ADGRB1: variants seen among roughly 807,000 people sequenced by gnomAD.
ADGRB1 encodes adhesion G protein-coupled receptor B1.
ADGRB1 carries 36 observed loss-of-function variants against 175.7 expected under a neutral mutation model. The observed-to-expected ratio is 0.20, with a 90% CI of 0.16 to 0.27. The LOEUF is 0.27. Among genes scored for constraint, ADGRB1 ranks in the 10% least tolerant of loss-of-function variants. The pLI is 1.00. For synonymous variants in ADGRB1, 1,054 were observed against 979.4 expected (o/e 1.08, Z -1.42); for missense variants, 1,731 against 2,255.3 (o/e 0.77, Z 4.71).
At chr8:142,536,013 G>A (rs1458362598) in intron 25 of ADGRB1, among the ~76,000 whole-genome samples, 1 of 152,146 alleles carries the variant, frequency 6.6e-6, no homozygotes, top group Non-Finnish European at 1.5e-5. Flanking sequence ...CTGATGAGAG[G>A]GGTGGGCTGG....
At chr8:142,490,198 CTTATCAAG>C (rs1841918543) in intron 16 of ADGRB1, among the ~76,000 whole-genome samples, 1 of 152,206 alleles carries the variant, frequency 6.6e-6, no homozygotes, top group Non-Finnish European at 1.5e-5. Context: ...GGTTCCCTCC[CTTATCAAG>C]TGGGAACAAT....
chr8:142,518,020 T>C lies in ADGRB1; in HGVS notation c.2818-118T>C, dbSNP rs530077650. 1,986 of 887,560 alleles carry C rather than the reference T, an allele frequency of 2.2e-3. 4 individuals carry two copies. Among genetic ancestry groups the C allele is most frequent in the Non-Finnish European group, 3.3e-3 (1,885 of 574,084 alleles). The allele number at this position is 887,560 out of a possible 1,614,324, so 55.0% of individuals were successfully genotyped here. On this transcript the variant is annotated intron_variant, in intron 18 of 30. Coordinates refer to ENST00000517894, the MANE Select transcript of ADGRB1 (RefSeq NM_001702.3). ...GCGGGTGGGGAGGTGGAGGAGGGGC[T>C]GGGCCAAACGCTGGGGGTGTGACCC... is the stretch of plus-strand genomic sequence containing the variant.
chr8:142,534,236 G>GC (rs1345814027), intron 25 of ADGRB1, among the ~76,000 whole-genome samples: 29 of 152,188 alleles, frequency 1.9e-4, no homozygotes, highest in African/African-American at 7.0e-4. Context: ...AGTGGGGCCC[G>GC]CCCCCTCCCC....
intron 23 of ADGRB1, among the ~76,000 whole-genome samples, chr8:142,524,953 C>T (rs999158082): frequency 6.6e-6 from 1 of 152,094 alleles, no homozygotes; most frequent in African/African-American, 2.4e-5. Flanking sequence ...CACCTCTCTA[C>T]TCTGGCAGAG....
chr8:142,476,685 C>G lies in ADGRB1; in HGVS notation c.1047C>G (p.Ala349=). Residue 349 remains alanine, a synonymous_variant, in exon 4 of 31, where the codon GCC becomes GCG. Coordinates refer to ENST00000517894, the MANE Select transcript of ADGRB1 (RefSeq NM_001702.3). The part of the protein sequence containing the change: ...GDELQQFGFP[A]PQTGDPAAEE... Reference sequence around the variant, plus strand: ...AGCTGCAGCAGTTTGGGTTCCCAGCCCCCCAGACCGGTGAGCTGGCGGGAG... The same window carrying G: ...AGCTGCAGCAGTTTGGGTTCCCAGCGCCCCAGACCGGTGAGCTGGCGGGAG... 1 of 1,545,780 alleles carries G rather than the reference C, an allele frequency of 6.5e-7. No homozygotes were observed. The highest frequency in any genetic ancestry group is 8.7e-7 in the Non-Finnish European group (1 of 1,144,332).
At chr8:142,535,184 C>T (rs1844852963) in intron 25 of ADGRB1, among the ~76,000 whole-genome samples, 1 of 152,176 alleles carries the variant, frequency 6.6e-6, no homozygotes, top group South Asian at 2.1e-4. Context: ...GGCAAATCCC[C>T]AAGGACCAAC....
chr8:142,492,399 C>T lies in ADGRB1; in HGVS notation c.2675+1584C>T, dbSNP rs570426748. 2.9e-4 allele frequency among the ~76,000 whole-genome samples: 44 copies of T among 152,246 alleles called. No individual in the cohort carries two copies. Among genetic ancestry groups the T allele is most frequent in the African/African-American group, 9.6e-4 (40 of 41,540 alleles). On this transcript the variant is annotated intron_variant, in intron 17 of 30. Transcript: ENST00000517894. The surrounding 1 kb of genome is among the most constrained non-coding windows in gnomAD (Gnocchi z 4.4). ...ACGGAGCAGTGTGGTGATGCCCGGC[C>T]GTGCATGGGCCGGGAAGGGAAGCTA...
intron 23 of ADGRB1, among the ~76,000 whole-genome samples, chr8:142,525,568 C>T (rs1844125505): frequency 6.6e-6 from 1 of 152,162 alleles, no homozygotes; most frequent in African/African-American, 2.4e-5. Context: ...AGGAAAGAGG[C>T]CACCACCCAT....
Position 142,465,625 on chromosome 8 carries a change from G to A in ADGRB1, c.784+643G>A, listed in dbSNP as rs143665043. ...CAGAGCCCTGCTCTCAGGCAGCTGC[G>A]TAAGGGAGAGAGGAAGGCCCTAAGC... is the stretch of plus-strand genomic sequence containing the variant. On this transcript the variant is annotated intron_variant, in intron 2 of 30. Coordinates refer to ENST00000517894, the MANE Select transcript of ADGRB1 (RefSeq NM_001702.3). Among the ~76,000 whole-genome samples, 25 of 152,316 alleles carry A rather than the reference G, an allele frequency of 1.6e-4. No individual in the cohort carries two copies. The East Asian group carries it at 4.8e-3, about 30-fold the overall frequency.
rs79040342 is a variant in ADGRB1, at chr8:142,499,567, G to A, written c.2675+8752G>A. Among the ~76,000 whole-genome samples, 423 of 152,290 alleles carry A rather than the reference G, an allele frequency of 2.8e-3. 3 individuals are homozygous for A. The highest frequency in any genetic ancestry group is 9.9e-3 in the African/African-American group (412 of 41,552). On this transcript the variant is annotated intron_variant, in intron 17 of 30. Coordinates refer to ENST00000517894, the MANE Select transcript of ADGRB1 (RefSeq NM_001702.3). ...CTGGAGTCCACGCCAGGCCCCAGGC[G>A]CCTCAAAGGCCCAGAGGCGGAGTGC...
chr8:142,466,020 G>A (rs537383791), intron 2 of ADGRB1, among the ~76,000 whole-genome samples: 2 of 152,302 alleles, frequency 1.3e-5, no homozygotes, highest in East Asian at 1.9e-4. Flanking sequence ...GATGGGTCCC[G>A]TACACACCTA....
chr8:142,489,305 C>G (rs1587326558), intron 15 of ADGRB1, 31 bp from the exon 16 acceptor site: 1 of 1,610,104 alleles, frequency 6.2e-7, no homozygotes. Context: ...TGGGAGGGCT[C>G]CCCCGACACC....
chr8:142,484,474 G>A (rs562457542), intron 12 of ADGRB1, among the ~76,000 whole-genome samples, 182 bp from the exon 13 acceptor site: 1 of 152,364 alleles, frequency 6.6e-6, no homozygotes, highest in East Asian at 1.9e-4. Flanking sequence ...GTGGGGCACA[G>A]CAGCCCCTCT....
intron 18 of ADGRB1, among the ~76,000 whole-genome samples, chr8:142,513,159 C>T (rs1019066444): frequency 2.6e-5 from 4 of 152,202 alleles, no homozygotes; most frequent in African/African-American, 9.7e-5. Context: ...GGCCGGGGCA[C>T]AGGGGCTGGC....
chr8:142,463,777 G>A (rs1840091136), intron 1 of ADGRB1, among the ~76,000 whole-genome samples: 1 of 152,250 alleles, frequency 6.6e-6, no homozygotes, highest in African/African-American at 2.4e-5. Flanking sequence ...TGCCCCTGCA[G>A]GTGGTCACAT....
chr8:142,452,863 G>A (rs1028232268), intron 1 of ADGRB1, among the ~76,000 whole-genome samples: 62 of 150,598 alleles, frequency 4.1e-4, no homozygotes, highest in African/African-American at 1.5e-3. Flanking sequence ...CGGCCGGCGC[G>A]GGGCCGCAGT....
chr8:142,515,070 C>T (rs1480013563), intron 18 of ADGRB1, among the ~76,000 whole-genome samples: 1 of 152,046 alleles, frequency 6.6e-6, no homozygotes, highest in Non-Finnish European at 1.5e-5. Context: ...ACTCGGTCAC[C>T]AGCCAGGAGA....
chr8:142,490,916 G>T (rs1841949982), intron 17 of ADGRB1, 101 bp downstream of exon 17: 5 of 1,431,576 alleles, frequency 3.5e-6, no homozygotes, highest in Non-Finnish European at 3.8e-6. Flanking sequence ...TTGTCCACTT[G>T]CCCCCCAGCT....
At chr8:142,527,986 GC>G (rs1844316055) in intron 24 of ADGRB1, among the ~76,000 whole-genome samples, 1 of 152,218 alleles carries the variant, frequency 6.6e-6, no homozygotes, top group Admixed American at 6.5e-5. Flanking sequence ...TGCCACGGGG[GC>G]CAGCTGCGTT....
Sources: allele counts gnomAD v4.1 joint callset (sites outside exome capture counted in the v4.1 genomes callset), GRCh38; gene constraint gnomAD v4.1.1; non-coding constraint Gnocchi (gnomAD v3.1); transcripts MANE v1.5; gene names NCBI Gene and HGNC (gene_info 2026-07-23, HGNC 2026-07-21).